SGPP2: variants seen among roughly 807,000 people sequenced by gnomAD.
SGPP2 encodes sphingosine-1-phosphate phosphatase 2.
SGPP2 carries 30 observed loss-of-function variants against 33.9 expected under a neutral mutation model. The observed-to-expected ratio is 0.89, with a 90% CI of 0.66 to 1.20. SGPP2 has a LOEUF of 1.20. Ranked by LOEUF, SGPP2 falls within the 50% of genes most tolerant of loss-of-function variation. The pLI, the probability that SGPP2 is intolerant of heterozygous loss-of-function variation, is 0.00. For missense variants in SGPP2, 458 were observed against 532.1 expected, an observed-to-expected ratio of 0.86 and a Z score of 1.37; for synonymous variants, 233 against 225.0, an observed-to-expected ratio of 1.04 and a Z score of -0.32.
At chr2:222,483,676 C>G (rs1208864875) in intron 2 of SGPP2, among the ~76,000 whole-genome samples, 1 of 152,186 alleles carries the variant, frequency 6.6e-6, no homozygotes, top group Non-Finnish European at 1.5e-5. Context: ...AGGCTGCCAT[C>G]TGGCTGTCTC....
chr2:222,441,963 A>G (rs1468139496), intron 1 of SGPP2, among the ~76,000 whole-genome samples: 1 of 152,252 alleles, frequency 6.6e-6, no homozygotes, highest in Non-Finnish European at 1.5e-5. Context: ...ATGTCTCTAC[A>G]TGAAGATGCC....
At chr2:222,524,065 G>T (rs1396915248) in intron 3 of SGPP2, among the ~76,000 whole-genome samples, 1 of 152,178 alleles carries the variant, frequency 6.6e-6, no homozygotes, top group Non-Finnish European at 1.5e-5. Flanking sequence ...AGCTCCTGTT[G>T]TGAGGGTCAA....
intron 4 of SGPP2, among the ~76,000 whole-genome samples, chr2:222,536,641 C>G (rs1490864202): frequency 6.6e-6 from 1 of 152,076 alleles, no homozygotes. Flanking sequence ...GATCGCGCCA[C>G]TGCACTCCTG....
At position 222,558,379 on chromosome 2, in the gene SGPP2, C is replaced by G; in HGVS notation, c.681C>G (p.Leu227=). 1 of 1,614,138 alleles carries G rather than the reference C, an allele frequency of 6.2e-7. No homozygotes were observed. Among genetic ancestry groups the G allele is most frequent in the Non-Finnish European group, 8.5e-7 (1 of 1,179,988 alleles). ...DVLGGVLITA[L]LIVLTYPAWT... ...TGGGTGGCGTCCTGATCACCGCACTCCTCATCGTCCTCACCTACCCTGCCT... is the reference window on the plus strand; with the variant it reads ...TGGGTGGCGTCCTGATCACCGCACTGCTCATCGTCCTCACCTACCCTGCCT... The change falls in exon 5 of 5, where the codon CTC becomes CTG. Residue 227 remains leucine (L), a synonymous_variant. Transcript: ENST00000321276.
chr2:222,431,933 C>G (rs116707568), intron 1 of SGPP2, among the ~76,000 whole-genome samples: 2,577 of 152,262 alleles, frequency 0.017, 34 homozygotes, highest in South Asian at 0.075. Flanking sequence ...AGAGAGTGGA[C>G]TGGAGAGGAG....
intron 1 of SGPP2, among the ~76,000 whole-genome samples, chr2:222,435,647 A>C (rs1392977445): frequency 6.6e-6 from 1 of 152,232 alleles, no homozygotes; most frequent in Non-Finnish European, 1.5e-5. Context: ...TAAAGTTAAC[A>C]ATACTTAAAT....
intron 1 of SGPP2, among the ~76,000 whole-genome samples, chr2:222,426,985 C>A (rs1697080802): frequency 6.6e-6 from 1 of 152,198 alleles, no homozygotes. Context: ...AGGTCAGTTC[C>A]TCCATGGGTG....
At position 222,474,724 on chromosome 2, in the gene SGPP2, G is replaced by T. The variant is rs766362983; in HGVS notation, c.376G>T (p.Val126Phe). 1 of 1,611,490 alleles carries T rather than the reference G, an allele frequency of 6.2e-7. No individual in the cohort carries two copies. The highest frequency in any genetic ancestry group is 8.5e-7 in the Non-Finnish European group (1 of 1,178,298). The part of the protein sequence containing the change: ...YLSRRLIIIW[V>F]LVMYIGQVAK... ...ATCCAGAAGATTGATCATCATATGGGTTGTAAGTATTATTACTACTCATTA... is the reference window on the plus strand; with the variant it reads ...ATCCAGAAGATTGATCATCATATGGTTTGTAAGTATTATTACTACTCATTA... The change falls in exon 2 of 5, where the codon GTT (valine) becomes TTT (phenylalanine). Residue 126 changes from valine to phenylalanine, a missense_variant and splice_region_variant. By Grantham distance (50) the Val-to-Phe change is conservative. Coordinates refer to ENST00000321276, the MANE Select transcript of SGPP2 (RefSeq NM_152386.4).
intron 2 of SGPP2, among the ~76,000 whole-genome samples, chr2:222,517,634 C>A (rs1698624950): frequency 6.6e-6 from 1 of 152,234 alleles, no homozygotes; most frequent in African/African-American, 2.4e-5. Flanking sequence ...TCTGTGATGG[C>A]AGAGCTAAAA....
At chr2:222,539,611 GT>G (rs1003183207) in intron 4 of SGPP2, among the ~76,000 whole-genome samples, 3 of 152,210 alleles carry the variant, frequency 2.0e-5, no homozygotes, top group Non-Finnish European at 2.9e-5. Context: ...ACTGACAGCA[GT>G]GACTAGACAC....
chr2:222,499,670 A>G (rs948674979), intron 2 of SGPP2, among the ~76,000 whole-genome samples: 11 of 152,222 alleles, frequency 7.2e-5, no homozygotes, highest in African/African-American at 1.9e-4. Context: ...AGTCTTTCTG[A>G]GGAAAGACAT....
Position 222,465,899 on chromosome 2 carries a change from G to C in SGPP2, c.220-8669G>C, listed in dbSNP as rs1697737990. Among the ~76,000 whole-genome samples, 2 of 152,160 alleles carry C rather than the reference G, an allele frequency of 1.3e-5. No homozygotes were observed. Among genetic ancestry groups the C allele is most frequent in the Admixed American group, 6.5e-5 (1 of 15,278 alleles). ...AACACCTCTCCTTATCCAGGGCTCA[G>C]CTCAAATGGCTCCTCTGTGGCAAGC... On this transcript the variant is annotated intron_variant, in intron 1 of 4. Transcript: ENST00000321276. This position sits in a 1 kb window ranked among gnomAD's most constrained non-coding sequence, Gnocchi z 4.1.
At chr2:222,468,488 A>G (rs1047591155) in intron 1 of SGPP2, among the ~76,000 whole-genome samples, 2 of 152,052 alleles carry the variant, frequency 1.3e-5, no homozygotes, top group African/African-American at 2.4e-5. Context: ...AGGCAAATTG[A>G]CTTCCCCAAG....
At chr2:222,500,517 T>G (rs1328192536) in intron 2 of SGPP2, among the ~76,000 whole-genome samples, 1 of 152,186 alleles carries the variant, frequency 6.6e-6, no homozygotes, top group Admixed American at 6.5e-5. Flanking sequence ...GGTCACCGTG[T>G]TGGCAGTTGT....
chr2:222,502,515 A>G (rs1698382781), intron 2 of SGPP2, among the ~76,000 whole-genome samples: 2 of 152,198 alleles, frequency 1.3e-5, no homozygotes, highest in South Asian at 4.1e-4. Context: ...AATGTGAAGA[A>G]CTCCCATGAG....
At chr2:222,482,916 C>T (rs1466429107) in intron 2 of SGPP2, among the ~76,000 whole-genome samples, 30 of 152,200 alleles carry the variant, frequency 2.0e-4, no homozygotes, top group Admixed American at 2.0e-3. Flanking sequence ...AGATTCTGCC[C>T]TGCAGATTTC....
At chr2:222,499,715 A>T (rs1387836511) in intron 2 of SGPP2, among the ~76,000 whole-genome samples, 7 of 152,228 alleles carry the variant, frequency 4.6e-5, no homozygotes, top group African/African-American at 1.7e-4. Context: ...CAATGTCCAT[A>T]GATGATGGGC....
At chr2:222,512,803 C>T (rs755207270) in intron 2 of SGPP2, among the ~76,000 whole-genome samples, 4 of 152,142 alleles carry the variant, frequency 2.6e-5, no homozygotes, top group Non-Finnish European at 5.9e-5. Context: ...TGTCATGGCT[C>T]GATGGCTCAT....
intron 1 of SGPP2, among the ~76,000 whole-genome samples, chr2:222,455,204 A>C (rs368225713): frequency 2.2e-5 from 3 of 134,180 alleles, no homozygotes; most frequent in African/African-American, 8.4e-5. Flanking sequence ...ACCCCCCACC[A>C]CTCCAATCTC....
Sources: allele counts gnomAD v4.1 joint callset (sites outside exome capture counted in the v4.1 genomes callset), GRCh38; gene constraint gnomAD v4.1.1; non-coding constraint Gnocchi (gnomAD v3.1); transcripts MANE v1.5; gene names NCBI Gene and HGNC (gene_info 2026-07-23, HGNC 2026-07-21).